DLC1: variants seen among roughly 807,000 people sequenced by gnomAD.
DLC1 encodes the protein rho GTPase-activating protein 7.
In DLC1, 54 loss-of-function variants were observed where a neutral mutation model predicts 140.3. That is an observed-to-expected ratio of 0.38 (90% confidence interval 0.31 to 0.48). The LOEUF is 0.48. Among genes scored for constraint, DLC1 ranks in the 20% least tolerant of loss-of-function variants. The probability of loss-of-function intolerance (pLI) is 0.96; values close to 1 mark genes in which losing one functional copy is unlikely to be tolerated. For missense variants in DLC1, 2,536 were observed against 1,907.0 expected (o/e 1.33, Z -6.14); for synonymous variants, 986 against 728.1 (o/e 1.35, Z -5.70).
In DLC1 at chr8:13,115,720, G is replaced by A; in HGVS notation, c.1349-63C>T. On this transcript the variant is annotated intron_variant, in intron 5 of 17. Coordinates refer to ENST00000276297, the MANE Select transcript of DLC1 (RefSeq NM_182643.3). ...GTACCTCGCCATGCTTATTTTTCCT[G>A]AATAAGCTTTCGTTTTATGATACAA... 3 of 1,514,960 alleles carry A rather than the reference G, an allele frequency of 2.0e-6. No homozygotes were observed. In the Admixed American group the frequency reaches 5.2e-5, roughly 26 times the overall value. 93.8% of individuals were successfully genotyped at this position (1,514,960 alleles called of 1,614,324 possible).
At chr8:13,552,058 T>C (rs1041759187) in intron 1 of DLC1, among the ~76,000 whole-genome samples, 21 of 138,986 alleles carry the variant, frequency 1.5e-4, no homozygotes, top group Non-Finnish European at 2.5e-4. Context: ...TATATACACA[T>C]ATATATATAT....
chr8:13,405,359 A>G (rs190221998), intron 2 of DLC1, among the ~76,000 whole-genome samples: 37 of 152,118 alleles, frequency 2.4e-4, no homozygotes, highest in Middle Eastern at 6.8e-3. Flanking sequence ...TGAGTGCCCA[A>G]CAATTAACAT....
chr8:13,386,835 T>G lies in DLC1; in HGVS notation c.1314+6718A>C, dbSNP rs561201820. On this transcript the variant is annotated intron_variant, in intron 4 of 17. Transcript: ENST00000276297. The stretch of plus-strand genomic sequence containing the variant: ...GCTCTCTGGTGACTCAGTTCTTCCT[T>G]AAAAAGCTATAAATTTTGCCTATTT... 2.3e-3 allele frequency among the ~76,000 whole-genome samples: 343 copies of G among 152,186 alleles called. 1 individual carries two copies. Among genetic ancestry groups the G allele is most frequent in the African/African-American group, 7.4e-3 (308 of 41,568 alleles).
At chr8:13,336,961 A>G (rs918701850) in intron 4 of DLC1, among the ~76,000 whole-genome samples, 2 of 151,778 alleles carry the variant, frequency 1.3e-5, no homozygotes, top group African/African-American at 4.8e-5. Context: ...ATAGTTAGCT[A>G]AAGCAGATGA....
intron 1 of DLC1, among the ~76,000 whole-genome samples, chr8:13,511,635 G>A (rs184484694): frequency 6.6e-6 from 1 of 152,126 alleles, no homozygotes; most frequent in Non-Finnish European, 1.5e-5. Flanking sequence ...TATCTTTCGT[G>A]TGGGGAAAGC....
upstream of DLC1, among the ~76,000 whole-genome samples, chr8:13,517,950 C>T (rs919963750): frequency 6.6e-6 from 1 of 152,096 alleles, no homozygotes; most frequent in Non-Finnish European, 1.5e-5. Flanking sequence ...ATCTCTCTTT[C>T]AGGTATTTTT....
intron 6 of DLC1, among the ~76,000 whole-genome samples, chr8:13,111,861 T>C (rs928992348): frequency 1.3e-5 from 2 of 152,068 alleles, no homozygotes; most frequent in Non-Finnish European, 2.9e-5. Context: ...AAATTCTCTT[T>C]GGCTGGGCAC....
At chr8:13,132,950 G>A (rs1362804957) in intron 5 of DLC1, 1 of 1,609,922 alleles carries the variant, frequency 6.2e-7, no homozygotes, top group Non-Finnish European at 8.5e-7. Flanking sequence ...TTACGTGTTA[G>A]GATCATGGTG....
chr8:13,090,408 A>G lies in DLC1; in HGVS notation c.3918T>C (p.Thr1306=). ...SYTEQELKPL[T]LEALGHLGND... is the part of the protein sequence containing the mutation. ...TACCCAGGTGCCCGAGTGCTTCCAG[A>G]GTGAGGGGCTTCAGCTCTTGTTCGG... The change falls in exon 15 of 18, where the codon ACT becomes ACC. Residue 1306 remains threonine (T), a synonymous_variant. Coordinates refer to ENST00000276297, the MANE Select transcript of DLC1 (RefSeq NM_182643.3). 1 of 1,614,144 alleles carries G rather than the reference A, an allele frequency of 6.2e-7. No individual in the cohort carries two copies. The highest frequency in any genetic ancestry group is 8.5e-7 in the Non-Finnish European group (1 of 1,180,038).
Position 13,092,841 on chromosome 8 carries a change from A to G in DLC1, c.3527-16T>C, listed in dbSNP as rs755928629. On this transcript the variant is annotated splice_polypyrimidine_tract_variant and intron_variant, in intron 12 of 17. Coordinates refer to ENST00000276297, the MANE Select transcript of DLC1 (RefSeq NM_182643.3). Reference sequence around the variant, plus strand: ...TTGGGCACATCTGCACGACACCAGCACTTTCTCCATCAGCTTGGTGAATTT... The same window carrying G: ...TTGGGCACATCTGCACGACACCAGCGCTTTCTCCATCAGCTTGGTGAATTT... 11 of 1,606,194 alleles carry G rather than the reference A, an allele frequency of 6.8e-6. No individual in the cohort carries two copies. The highest frequency in any genetic ancestry group is 8.5e-6 in the Non-Finnish European group (10 of 1,174,992).
At chr8:13,229,654 AG>A (rs1237501498) in intron 5 of DLC1, among the ~76,000 whole-genome samples, 2 of 138,758 alleles carry the variant, frequency 1.4e-5, no homozygotes, top group Non-Finnish European at 3.0e-5. Context: ...AGAGAGAAAG[AG>A]AGAGAGAGAG....
At chr8:13,158,426 AT>A (rs1824416774) in intron 5 of DLC1, among the ~76,000 whole-genome samples, 2 of 152,320 alleles carry the variant, frequency 1.3e-5, no homozygotes, top group South Asian at 4.1e-4. Context: ...TGATTATTCA[AT>A]TGTACCTTGA....
rs1799949958 is a variant in DLC1, at chr8:13,466,562, A to G, written c.1023+32487T>C. On this transcript the variant is annotated intron_variant, in intron 2 of 17. Coordinates refer to ENST00000276297, the MANE Select transcript of DLC1 (RefSeq NM_182643.3). ...ACCTGGTCACAGGTCAGATACTTAG[A>G]TACTAGGCCGTCTACCTAATGAAGT... Among the ~76,000 whole-genome samples, 3 of 152,262 alleles carry G rather than the reference A, an allele frequency of 2.0e-5. No homozygotes were observed. The South Asian group carries it at 6.2e-4, about 32-fold the overall frequency.
intron 1 of DLC1, among the ~76,000 whole-genome samples, chr8:13,582,017 C>T (rs1206101396): frequency 1.3e-5 from 2 of 152,064 alleles, no homozygotes; most frequent in Non-Finnish European, 2.9e-5. Context: ...ACGCAAAGTT[C>T]TAGTCCCATG....
At chr8:13,197,033 C>G (rs943389106) in intron 5 of DLC1, among the ~76,000 whole-genome samples, 1 of 152,150 alleles carries the variant, frequency 6.6e-6, no homozygotes, top group African/African-American at 2.4e-5. Context: ...AGTTGTTTTT[C>G]TGATGAATGA....
In DLC1 at chr8:13,499,879, A is replaced by C; in HGVS notation, c.193T>G (p.Cys65Gly). ...KEKCVSLPDC[C>G]HGSELRDFPG... The stretch of plus-strand genomic sequence containing the variant: ...AAATCTCTCAGCTCTGATCCATGAC[A>C]GCAGTCAGGTAGTGAAACACACTTC... The change falls in exon 2 of 18, where the codon TGT becomes GGT. Residue 65 changes from cysteine (C) to glycine (G), a missense_variant. By Grantham distance (159) the Cys-to-Gly change is radical. Coordinates refer to ENST00000276297, the MANE Select transcript of DLC1 (RefSeq NM_182643.3). 6.2e-7 allele frequency: 1 copy of C among 1,614,108 alleles called. No individual in the cohort carries two copies. The highest frequency in any genetic ancestry group is 1.6e-4 in the Middle Eastern group (1 of 6,062).
intron 1 of DLC1, among the ~76,000 whole-genome samples, chr8:13,538,661 G>A (rs1363224992): frequency 6.6e-6 from 1 of 152,148 alleles, no homozygotes; most frequent in Non-Finnish European, 1.5e-5. Context: ...CTATAGTAGG[G>A]TGGGATGAAT....
chr8:13,152,452 T>G (rs1417975710), intron 5 of DLC1, among the ~76,000 whole-genome samples: 1 of 152,190 alleles, frequency 6.6e-6, no homozygotes, highest in African/African-American at 2.4e-5. Context: ...GCGTCTTTAT[T>G]TAGTGGATTA....
chr8:13,240,198 G>C (rs1326294051), intron 5 of DLC1, among the ~76,000 whole-genome samples: 1 of 152,068 alleles, frequency 6.6e-6, no homozygotes, highest in Admixed American at 6.5e-5. Context: ...TACCAGGCTG[G>C]ACTTGCTCTT....
Sources: gnomAD v4.1 joint callset for allele counts (sites outside exome capture counted in the v4.1 genomes callset) on GRCh38, gnomAD v4.1.1 for gene constraint, MANE v1.5 for transcripts, NCBI Gene and HGNC (gene_info 2026-07-23, HGNC 2026-07-21) for gene names.